TF: variants seen among roughly 807,000 people sequenced by gnomAD.
TF encodes serotransferrin.
Under a neutral mutation model 82.4 loss-of-function variants are expected in TF, and 55 were observed. The ratio of observed to expected loss-of-function variants is 0.67; its 90% CI spans 0.54 to 0.84. The LOEUF is 0.84. Ranked by LOEUF, TF falls within the 40% of genes least tolerant of loss-of-function variation. The pLI, the probability that TF is intolerant of heterozygous loss-of-function variation, is 0.00. For synonymous variants in TF, 332 were observed against 332.6 expected, an observed-to-expected ratio of 1.00 and a Z score of 0.02; for missense variants, 737 against 868.4, an observed-to-expected ratio of 0.85 and a Z score of 1.90.
chr3:133,683,132 C>T, the TF span, among the ~76,000 whole-genome samples: 1 of 152,140 alleles, frequency 6.6e-6, no homozygotes, highest in Admixed American at 6.5e-5. Context: ...GAAATAAAAT[C>T]CTTTACAGAC....
chr3:133,767,936 C>T, intron 12 of TF, 93 bp from the exon 13 acceptor site: 1 of 1,492,472 alleles, frequency 6.7e-7, no homozygotes, highest in Non-Finnish European at 9.3e-7. Context: ...ATATGTTCTA[C>T]TTATTATGGG....
the TF span, among the ~76,000 whole-genome samples, chr3:133,711,041 C>T: frequency 6.6e-6 from 1 of 152,190 alleles, no homozygotes; most frequent in Non-Finnish European, 1.5e-5. Flanking sequence ...CTCATTTCGC[C>T]CTAAAATAAT....
At chr3:133,735,004 A>T in the TF span, among the ~76,000 whole-genome samples, 6 of 152,196 alleles carry the variant, frequency 3.9e-5, no homozygotes, top group African/African-American at 1.4e-4. Context: ...ATCCAGTTTG[A>T]ACAACCTAAC....
the TF span, among the ~76,000 whole-genome samples, chr3:133,675,763 T>A: frequency 5.9e-5 from 9 of 152,216 alleles, no homozygotes; most frequent in African/African-American, 2.2e-4. Flanking sequence ...CCCTGAGTGC[T>A]TTTTTGCCCC....
At chr3:133,736,178 C>A in the TF span, among the ~76,000 whole-genome samples, 2 of 152,106 alleles carry the variant, frequency 1.3e-5, no homozygotes, top group African/African-American at 4.8e-5. Context: ...GAATTTTCAA[C>A]CCAGAATTTC....
the TF span, among the ~76,000 whole-genome samples, chr3:133,705,583 T>C: frequency 1.3e-5 from 2 of 152,134 alleles, no homozygotes; most frequent in Non-Finnish European, 2.9e-5. Flanking sequence ...CAGAAGAGGG[T>C]AAAATGGGCT....
chr3:133,707,582 A>G, the TF span: 8 of 152,348 alleles, frequency 5.3e-5, no homozygotes, highest in East Asian at 1.5e-3. Context: ...TCACCTAAGA[A>G]GGACAAGACG....
Position 133,775,631 on chromosome 3 carries a change from A to G in TF, c.1872+14A>G, listed in dbSNP as rs757932241. ...CGTCAACAGCAGGTATGGACCAGCC[A>G]GGTCCTCCCACCTTTTCTTCCTAGA... On this transcript the variant is annotated intron_variant, in intron 15 of 16. Transcript: ENST00000402696. The G allele has an allele frequency of 6.2e-7, 1 of 1,613,230 alleles. No homozygotes were observed.
In TF at chr3:133,753,500, G is replaced by A. The variant is rs933179560; in HGVS notation, c.217-95G>A. 35 of 1,091,748 alleles carry A rather than the reference G, an allele frequency of 3.2e-5. No homozygotes were observed. In the Admixed American group the frequency reaches 4.8e-4, roughly 15 times the overall value. 67.6% of individuals were successfully genotyped at this position (1,091,748 alleles called of 1,614,324 possible). On this transcript the variant is annotated intron_variant, in intron 2 of 16. Coordinates refer to ENST00000402696, the MANE Select transcript of TF (RefSeq NM_001063.4). ...CTAGTCAAGTTCTGGCCCTGGGTCC[G>A]TGGAGTCCTGGTAGCCACTCTCTAC...
At chr3:133,719,490 G>A in the TF span, among the ~76,000 whole-genome samples, 2 of 152,130 alleles carry the variant, frequency 1.3e-5, no homozygotes, top group Non-Finnish European at 2.9e-5. Flanking sequence ...GGCTCAAAGT[G>A]TGTTCCTTGT....
At chr3:133,723,279 T>C in the TF span, among the ~76,000 whole-genome samples, 5 of 152,202 alleles carry the variant, frequency 3.3e-5, no homozygotes, top group Admixed American at 3.3e-4. Context: ...TGAATCTAGA[T>C]GGAGACCTTT....
At chr3:133,761,968 G>A (rs1339681743) in intron 9 of TF, 2 of 161,614 alleles carry the variant, frequency 1.2e-5, no homozygotes, top group Non-Finnish European at 2.8e-5. Flanking sequence ...CCACATCCCA[G>A]AGGTAGAATT....
At chr3:133,757,160 G>A in intron 7 of TF, 151 bp downstream of exon 7, 1 of 1,108,210 alleles carries the variant, frequency 9.0e-7, no homozygotes, top group Non-Finnish European at 1.3e-6. Flanking sequence ...TAAAAGCTGG[G>A]ACTCCCCACA....
the TF span, among the ~76,000 whole-genome samples, chr3:133,732,634 G>A: frequency 6.6e-6 from 1 of 152,176 alleles, no homozygotes; most frequent in African/African-American, 2.4e-5. Context: ...TCATCATGAA[G>A]GTCTGCAGCT....
In TF at chr3:133,782,070, G is replaced by A. The variant is rs1029313998; in HGVS notation, c.*3450G>A. 1.3e-5 allele frequency: 2 copies of A among 151,978 alleles called. No homozygotes were observed. The highest frequency in any genetic ancestry group is 4.2e-4 in the South Asian group (2 of 4,816). The allele number at this position is 151,978 out of a possible 1,614,324, so 9.4% of individuals were successfully genotyped here. On this transcript the variant is annotated 3_prime_UTR_variant, in exon 17 of 17. Coordinates refer to ENST00000402696, the MANE Select transcript of TF (RefSeq NM_001063.4). ...GGTGTTCAACATCACTAATCATAAGGGAAATGTGAATTGAAACCATTATGA... is the reference window on the plus strand; with the variant it reads ...GGTGTTCAACATCACTAATCATAAGAGAAATGTGAATTGAAACCATTATGA...
Position 133,775,542 on chromosome 3 carries a change from C to T in TF, c.1797C>T (p.Ala599=), listed in dbSNP as rs1259807212. The T allele has an allele frequency of 6.2e-7, 1 of 1,614,180 alleles. No homozygotes were observed. The highest frequency in any genetic ancestry group is 8.5e-7 in the Non-Finnish European group (1 of 1,180,026). ...AGGAGTATGCGAACTGCCACCTGGC[C>T]AGAGCCCCGAATCACGCTGTGGTCA... ...PVEEYANCHL[A]RAPNHAVVTR... The change falls in exon 15 of 17, where the codon GCC becomes GCT. Residue 599 remains alanine, a synonymous_variant. Transcript: ENST00000402696.
intron 2 of TF, among the ~76,000 whole-genome samples, chr3:133,749,811 G>C (rs1433556705): frequency 1.3e-5 from 2 of 152,182 alleles, no homozygotes; most frequent in South Asian, 4.1e-4. Context: ...TGACAGTGGG[G>C]GAAAGAGCTA....
Position 133,791,383 on chromosome 3 carries a change from G to C in TF, c.*12763G>C, listed in dbSNP as rs1275175030. 6.6e-6 allele frequency: 1 copy of C among 152,140 alleles called. No individual in the cohort carries two copies. Among genetic ancestry groups the C allele is most frequent in the East Asian group, 1.9e-4 (1 of 5,196 alleles). 9.4% of individuals were successfully genotyped at this position (152,140 alleles called of 1,614,324 possible). A position where few individuals can be genotyped will look rare whatever the true frequency, so the allele number is the denominator to read the frequency against. On this transcript the variant is annotated 3_prime_UTR_variant, in exon 17 of 17. Coordinates refer to ENST00000402696, the MANE Select transcript of TF (RefSeq NM_001063.4). ...GTGTTTGTTTGCATATAGTCAAGCA[G>C]GGTTCCTAGGGCTGCTTTGGGAGAC...
chr3:133,790,466 G>A lies in TF; in HGVS notation c.*11846G>A, dbSNP rs916603736. 6.6e-6 allele frequency: 1 copy of A among 152,142 alleles called. No individual in the cohort carries two copies. Among genetic ancestry groups the A allele is most frequent in the East Asian group, 1.9e-4 (1 of 5,198 alleles). 9.4% of individuals were successfully genotyped at this position (152,142 alleles called of 1,614,324 possible). A position where few individuals can be genotyped will look rare whatever the true frequency, so the allele number is the denominator to read the frequency against. On this transcript the variant is annotated 3_prime_UTR_variant, in exon 17 of 17. Transcript: ENST00000402696. ...TAGTTCAAATTACAGATTTGAAAAG[G>A]TTACTTATGAAACAATGTAGTAAGG...
Sources: gnomAD v4.1 joint callset for allele counts (sites outside exome capture counted in the v4.1 genomes callset) on GRCh38, gnomAD v4.1.1 for gene constraint, MANE v1.5 for transcripts, NCBI Gene and HGNC (gene_info 2026-07-23, HGNC 2026-07-21) for gene names.